The following PPFIA2 variants were observed in gnomAD, a reference collection of about 807,000 sequenced individuals.
PPFIA2 encodes liprin-alpha-2.
A neutral mutation model predicts 175.5 loss-of-function variants in PPFIA2; 46 were observed. The observed-to-expected ratio is 0.26, with a 90% CI of 0.21 to 0.34. The LOEUF (loss-of-function observed/expected upper bound fraction) is 0.34, where lower values mean the gene tolerates loss of function less well. Ranked by LOEUF, PPFIA2 falls within the 10% of genes least tolerant of loss-of-function variation. The probability of loss-of-function intolerance (pLI) is 1.00; values close to 1 mark genes in which losing one functional copy is unlikely to be tolerated. For missense variants in PPFIA2, 1,179 were observed against 1,506.1 expected (o/e 0.78, Z 3.60); for synonymous variants, 568 against 511.4 (o/e 1.11, Z -1.49).
intron 24 of PPFIA2, among the ~76,000 whole-genome samples, chr12:81,293,987 G>C (rs2045745692): frequency 6.6e-6 from 1 of 151,888 alleles, no homozygotes; most frequent in Non-Finnish European, 1.5e-5. Flanking sequence ...GTCTTTTGTA[G>C]CAACATAAAT....
intron 8 of PPFIA2, among the ~76,000 whole-genome samples, chr12:81,390,139 T>C (rs868229625): frequency 6.6e-6 from 1 of 152,220 alleles, no homozygotes; most frequent in Middle Eastern, 3.4e-3. Flanking sequence ...CATTGATGAA[T>C]AGTATTCCAT....
intron 24 of PPFIA2, chr12:81,292,832 G>T (rs895138718): frequency 1.6e-4 from 25 of 151,894 alleles, no homozygotes; most frequent in African/African-American, 6.0e-4. Context: ...CAGGTATAGT[G>T]AAAAACATTT....
At chr12:81,730,943 C>T (rs17008936) in intron 3 of PPFIA2, among the ~76,000 whole-genome samples, 21,631 of 151,188 alleles carry the variant, frequency 0.14, 1,735 homozygotes, top group Middle Eastern at 0.23. Context: ...TGCATTAGTA[C>T]CCTTTATAAA....
chr12:81,366,725 T>C (rs1272422367), intron 14 of PPFIA2, among the ~76,000 whole-genome samples: 1 of 151,834 alleles, frequency 6.6e-6, no homozygotes, highest in African/African-American at 2.4e-5. Flanking sequence ...ATTTAATGTA[T>C]TTCTGCTGAA....
chr12:81,275,909 C>T (rs374553012), intron 28 of PPFIA2, among the ~76,000 whole-genome samples: 11 of 151,832 alleles, frequency 7.2e-5, no homozygotes, highest in Middle Eastern at 3.4e-3. Flanking sequence ...CTCAGCCTCC[C>T]GAGTAGCTGG....
At chr12:81,636,894 C>A (rs1034864316) in intron 4 of PPFIA2, among the ~76,000 whole-genome samples, 4 of 151,902 alleles carry the variant, frequency 2.6e-5, no homozygotes, top group Non-Finnish European at 4.4e-5. Flanking sequence ...CTCAAGTGAT[C>A]CTCCTGCCTT....
chr12:81,711,879 A>C (rs1473061355), intron 3 of PPFIA2, among the ~76,000 whole-genome samples: 1 of 150,968 alleles, frequency 6.6e-6, no homozygotes, highest in Non-Finnish European at 1.5e-5. Flanking sequence ...CAAAGCAAAC[A>C]AAGGAAAACT....
At chr12:81,358,243 A>T in intron 15 of PPFIA2, 26 bp from the exon 16 acceptor site, 1 of 1,545,756 alleles carries the variant, frequency 6.5e-7, no homozygotes, top group South Asian at 1.2e-5. Context: ...AATATAAAAT[A>T]ATCCAATCTC....
At chr12:81,743,847 T>C (rs1423808934) in intron 3 of PPFIA2, among the ~76,000 whole-genome samples, 1 of 152,052 alleles carries the variant, frequency 6.6e-6, no homozygotes, top group East Asian at 1.9e-4. Context: ...ATTGACAAGA[T>C]AAAATAAAAT....
rs747580668 is a variant in PPFIA2, at chr12:81,374,774, A to T, written c.1132-6T>A. On this transcript the variant is annotated splice_polypyrimidine_tract_variant and splice_region_variant and intron_variant, in intron 10 of 32. Coordinates refer to ENST00000549396, the MANE Select transcript of PPFIA2 (RefSeq NM_003625.5). ...TGTCTGTTTTTCTCTTCCATCTGAA[A>T]TGGGAATGGGAGCAGAGACACTTAA... is the stretch of plus-strand genomic sequence containing the variant. The T allele has an allele frequency of 6.2e-7, 1 of 1,610,598 alleles. No homozygotes were observed. Among genetic ancestry groups the T allele is most frequent in the Non-Finnish European group, 8.5e-7 (1 of 1,178,032 alleles).
intron 11 of PPFIA2, chr12:81,369,416 T>A (rs1025062279): frequency 1.2e-5 from 17 of 1,373,956 alleles, no homozygotes; most frequent in Admixed American, 1.1e-4. Flanking sequence ...GAGTTATTTA[T>A]GAGCAATGAA....
chr12:81,308,101 AT>A (rs1490536862), intron 22 of PPFIA2, among the ~76,000 whole-genome samples: 5 of 152,220 alleles, frequency 3.3e-5, no homozygotes, highest in African/African-American at 9.6e-5. Context: ...TCTAAATATA[AT>A]TAAATAAATT....
chr12:81,479,175 C>T (rs973255670), intron 4 of PPFIA2, among the ~76,000 whole-genome samples: 1 of 152,082 alleles, frequency 6.6e-6, no homozygotes, highest in African/African-American at 2.4e-5. Flanking sequence ...TATGTAATGG[C>T]CTTCTTTGTC....
At chr12:81,665,928 A>T (rs1181702703) in intron 4 of PPFIA2, among the ~76,000 whole-genome samples, 1 of 152,142 alleles carries the variant, frequency 6.6e-6, no homozygotes, top group Non-Finnish European at 1.5e-5. Flanking sequence ...GAAAAAAACA[A>T]CCCCATCAAC....
At chr12:81,381,178 T>C (rs1394537237) in intron 9 of PPFIA2, among the ~76,000 whole-genome samples, 2 of 152,118 alleles carry the variant, frequency 1.3e-5, no homozygotes, top group Non-Finnish European at 1.5e-5. Context: ...AGGTGGATGA[T>C]GAGAGATATT....
At chr12:81,616,535 C>A (rs975976713) in intron 4 of PPFIA2, among the ~76,000 whole-genome samples, 3 of 152,076 alleles carry the variant, frequency 2.0e-5, no homozygotes, top group African/African-American at 7.2e-5. Context: ...TGGATCACAA[C>A]CACTTAACTG....
chr12:81,456,706 G>A (rs1384775599), intron 5 of PPFIA2, among the ~76,000 whole-genome samples: 2 of 151,802 alleles, frequency 1.3e-5, no homozygotes, highest in Admixed American at 1.3e-4. Context: ...CTCCTCTATG[G>A]GTAATGTGGT....
chr12:81,447,750 A>T (rs761203886), intron 5 of PPFIA2, among the ~76,000 whole-genome samples: 2 of 152,184 alleles, frequency 1.3e-5, no homozygotes, highest in Non-Finnish European at 2.9e-5. Context: ...TTTGGGTGTT[A>T]GCTCAATTCC....
At chr12:81,587,499 T>G (rs2075454816) in intron 4 of PPFIA2, among the ~76,000 whole-genome samples, 1 of 152,028 alleles carries the variant, frequency 6.6e-6, no homozygotes. Context: ...TTTATACCAG[T>G]GTGAAAATGG....
Sources: gnomAD v4.1 joint callset for allele counts (sites outside exome capture counted in the v4.1 genomes callset) on GRCh38, gnomAD v4.1.1 for gene constraint, MANE v1.5 for transcripts, NCBI Gene and HGNC (gene_info 2026-07-23, HGNC 2026-07-21) for gene names.